TTC7B: variants seen among roughly 807,000 people sequenced by gnomAD.
TTC7B encodes the protein tetratricopeptide repeat protein 7B.
Under a neutral mutation model 106.8 loss-of-function variants are expected in TTC7B, and 28 were observed. The ratio of observed to expected loss-of-function variants is 0.26; its 90% CI spans 0.19 to 0.36. The LOEUF (loss-of-function observed/expected upper bound fraction) is 0.36. TTC7B is among the 10% of genes least tolerant of loss of function. The pLI, the probability that TTC7B is intolerant of heterozygous loss-of-function variation, is 1.00. For missense variants in TTC7B, 862 were observed against 1,076.4 expected (o/e 0.80, Z 2.79); for synonymous variants, 405 against 430.6 (o/e 0.94, Z 0.74).
intron 15 of TTC7B, among the ~76,000 whole-genome samples, chr14:90,619,373 C>T (rs2139850218): frequency 6.6e-6 from 1 of 152,314 alleles, no homozygotes; most frequent in South Asian, 2.1e-4. Flanking sequence ...AGGCCAAATG[C>T]TACTTTTCTG....
chr14:90,595,835 A>C (rs1480031784), intron 17 of TTC7B, among the ~76,000 whole-genome samples: 3 of 152,210 alleles, frequency 2.0e-5, no homozygotes, highest in Non-Finnish European at 2.9e-5. Flanking sequence ...TGTGCCGCTA[A>C]GACTGAGAAC....
chr14:90,595,723 A>G (rs984145660), intron 17 of TTC7B, among the ~76,000 whole-genome samples: 18 of 152,174 alleles, frequency 1.2e-4, no homozygotes, highest in African/African-American at 4.3e-4. Flanking sequence ...ATCATTCGGG[A>G]TTTAAAAAAT....
At position 90,578,431 on chromosome 14, in the gene TTC7B, C is replaced by G. The variant is rs1421882158; in HGVS notation, c.2108-123G>C. On this transcript the variant is annotated intron_variant, in intron 18 of 19. Coordinates refer to ENST00000328459, the MANE Select transcript of TTC7B (RefSeq NM_001010854.2). This position sits in a 1 kb window ranked among gnomAD's most constrained non-coding sequence, Gnocchi z 4.7. ...TGGCGGGGCGCAGAGCCAGCTGATC[C>G]CTGCTCCAAGTGGAAACAGCTGCCG... is the stretch of plus-strand genomic sequence containing the variant. The G allele has an allele frequency of 9.1e-6, 9 of 993,176 alleles. No individual in the cohort carries two copies. The highest frequency in any genetic ancestry group is 2.1e-5 in the Admixed American group (1 of 48,328). The allele number at this position is 993,176 out of a possible 1,614,324, so 61.5% of individuals were successfully genotyped here. A position where few individuals can be genotyped will look rare whatever the true frequency, so the allele number is the denominator to read the frequency against.
chr14:90,762,114 T>G (rs1890521466), intron 3 of TTC7B, among the ~76,000 whole-genome samples: 2 of 152,094 alleles, frequency 1.3e-5, no homozygotes, highest in Non-Finnish European at 2.9e-5. Flanking sequence ...GAGGCAGAGT[T>G]AAGAGCCCAG....
chr14:90,632,082 G>A (rs866408842), intron 15 of TTC7B, among the ~76,000 whole-genome samples: 3 of 152,078 alleles, frequency 2.0e-5, no homozygotes, highest in Non-Finnish European at 4.4e-5. Flanking sequence ...CCACCAACTC[G>A]CCTGTGTCCA....
chr14:90,576,840 G>T (rs1891278411), intron 19 of TTC7B, among the ~76,000 whole-genome samples: 1 of 152,210 alleles, frequency 6.6e-6, no homozygotes, highest in Non-Finnish European at 1.5e-5. Flanking sequence ...GATAATGAAG[G>T]CTTTGGGATG....
chr14:90,596,664 T>C (rs574322907), intron 17 of TTC7B, among the ~76,000 whole-genome samples: 10 of 152,314 alleles, frequency 6.6e-5, no homozygotes, highest in South Asian at 2.1e-4. Context: ...CCTTGGTGCT[T>C]CTATGTGGTT....
intron 19 of TTC7B, among the ~76,000 whole-genome samples, chr14:90,564,953 C>T (rs1490942642): frequency 6.6e-6 from 1 of 152,186 alleles, no homozygotes; most frequent in African/African-American, 2.4e-5. Context: ...CTATAGCCAC[C>T]TTCTTAGCTG....
intron 3 of TTC7B, among the ~76,000 whole-genome samples, chr14:90,762,312 G>C (rs568603621): frequency 1.2e-4 from 19 of 152,162 alleles, no homozygotes; most frequent in African/African-American, 4.6e-4. Context: ...CAGTGCCTCT[G>C]CTTGACCAAA....
At chr14:90,581,491 CTGAGGTTT>C (rs1891489454) in intron 18 of TTC7B, among the ~76,000 whole-genome samples, 1 of 152,218 alleles carries the variant, frequency 6.6e-6, no homozygotes, top group East Asian at 1.9e-4. Flanking sequence ...TGTGTGCCCA[CTGAGGTTT>C]TGGTTCTCGA....
rs947916786 is a variant in TTC7B, at chr14:90,592,665, C to T, written c.2107+821G>A. On this transcript the variant is annotated intron_variant, in intron 18 of 19. Coordinates refer to ENST00000328459, the MANE Select transcript of TTC7B (RefSeq NM_001010854.2). ...CAGAGGTTGCAGTGAGCCGAGATTG[C>T]ACCACTGCACTCCAGCCTGGGTGAC... Among the ~76,000 whole-genome samples, 3 of 151,210 alleles carry T rather than the reference C, an allele frequency of 2.0e-5. No individual in the cohort carries two copies. In the East Asian group the frequency reaches 5.8e-4, roughly 29 times the overall value.
intron 3 of TTC7B, among the ~76,000 whole-genome samples, chr14:90,779,980 A>G (rs1334386667): frequency 6.6e-6 from 1 of 152,258 alleles, no homozygotes; most frequent in Admixed American, 6.5e-5. Flanking sequence ...GAATAAAAAC[A>G]TCATCAGCCA....
intron 13 of TTC7B, 100 bp from the exon 14 acceptor site, chr14:90,647,123 GCC>G: frequency 1.0e-6 from 1 of 996,054 alleles, no homozygotes; most frequent in Admixed American, 1.9e-5. Flanking sequence ...TATACTAAGG[GCC>G]CGTATTTATT....
In TTC7B at chr14:90,744,833, C is replaced by T. The variant is rs1889899110; in HGVS notation, c.535G>A (p.Ala179Thr). The T allele has an allele frequency of 5.0e-6, 8 of 1,614,062 alleles. No homozygotes were observed. The highest frequency in any genetic ancestry group is 6.8e-6 in the Non-Finnish European group (8 of 1,179,948). Residue 179 changes from alanine to threonine, a missense_variant, in exon 4 of 20, where the codon GCA (alanine) becomes ACA (threonine). Coordinates refer to ENST00000328459, the MANE Select transcript of TTC7B (RefSeq NM_001010854.2). ...AGATACAGGAGTGCGATGTCCCCTG[C>T]TTTCTCATAACAGGTGATGACATCC... ...EQDVITCYEK[A>T]GDIALLYLQE... is the part of the protein sequence containing the mutation.
chr14:90,761,344 G>A (rs1890493783), intron 3 of TTC7B, among the ~76,000 whole-genome samples: 2 of 152,054 alleles, frequency 1.3e-5, no homozygotes, highest in Admixed American at 6.6e-5. Context: ...ATCTCTTCAG[G>A]TTTTCACATT....
At chr14:90,814,182 T>A (rs2031054161) in intron 1 of TTC7B, among the ~76,000 whole-genome samples, 1 of 152,116 alleles carries the variant, frequency 6.6e-6, no homozygotes, top group Non-Finnish European at 1.5e-5. Flanking sequence ...GCCCCACTCA[T>A]GACTGCATCT....
rs766879940 is a variant in TTC7B at position 90,541,263 on chromosome 14, TG to T, written c.*104del. On this transcript the variant is annotated 3_prime_UTR_variant, in exon 20 of 20. Coordinates refer to ENST00000328459, the MANE Select transcript of TTC7B (RefSeq NM_001010854.2). ...CTGTGGCCCACTGAACACTCGTCCC[TG>T]GCCTCAGTGTGGCAGATTCATCCCC... The T allele has an allele frequency of 9.3e-7, 1 of 1,079,702 alleles. No individual in the cohort carries two copies. The highest frequency in any genetic ancestry group is 1.3e-6 in the Non-Finnish European group (1 of 765,426). 66.9% of individuals were successfully genotyped at this position (1,079,702 alleles called of 1,614,324 possible).
chr14:90,698,875 A>C (rs1280532994), intron 5 of TTC7B: 18 of 282,120 alleles, frequency 6.4e-5, no homozygotes, highest in Non-Finnish European at 1.2e-4. Flanking sequence ...CTCTCATTCA[A>C]ATCCTTGTTT....
intron 17 of TTC7B, among the ~76,000 whole-genome samples, chr14:90,607,555 T>G (rs1356831022): frequency 3.3e-5 from 5 of 152,238 alleles, no homozygotes; most frequent in Admixed American, 6.5e-5. Flanking sequence ...TTTGCCTCTA[T>G]AGCCCAGTCG....
Sources: gnomAD v4.1 joint callset for allele counts (sites outside exome capture counted in the v4.1 genomes callset) on GRCh38, gnomAD v4.1.1 for gene constraint, Gnocchi (gnomAD v3.1) non-coding constraint, MANE v1.5 for transcripts, NCBI Gene and HGNC (gene_info 2026-07-23, HGNC 2026-07-21) for gene names.